ESRRG: variants seen among roughly 807,000 people sequenced by gnomAD.
ESRRG encodes estrogen related receptor gamma.
Under a neutral mutation model 44.0 loss-of-function variants are expected in ESRRG, and 13 were observed. The ratio of observed to expected loss-of-function variants is 0.30; its 90% CI spans 0.19 to 0.47. ESRRG has a LOEUF of 0.47. ESRRG is among the 20% of genes least tolerant of loss of function. The probability of loss-of-function intolerance (pLI) is 1.00; values close to 1 mark genes in which losing one functional copy is unlikely to be tolerated. For missense variants in ESRRG, 395 were observed against 580.6 expected (o/e 0.68, Z 3.29); for synonymous variants, 215 against 214.6 (o/e 1.00, Z -0.02).
At chr1:216,707,623 A>G (rs1167842638) in intron 1 of ESRRG, 3 of 862,816 alleles carry the variant, frequency 3.5e-6, no homozygotes, top group Admixed American at 3.2e-5. Context: ...GGTATGAAAA[A>G]TCCCATTTTT....
At chr1:217,047,690 G>A (rs1440401783) in intron 1 of ESRRG, among the ~76,000 whole-genome samples, 12 of 152,096 alleles carry the variant, frequency 7.9e-5, no homozygotes. Flanking sequence ...GGAAGCAGAT[G>A]GGAATGACCA....
chr1:216,550,112 TAA>T (rs2055831479), intron 5 of ESRRG, among the ~76,000 whole-genome samples: 1 of 152,180 alleles, frequency 6.6e-6, no homozygotes, highest in Non-Finnish European at 1.5e-5. Context: ...CCGCTAGGAA[TAA>T]TGTAGTGTGA....
intron 2 of ESRRG, among the ~76,000 whole-genome samples, chr1:216,660,259 A>C (rs946524926): frequency 6.6e-6 from 1 of 152,188 alleles, no homozygotes; most frequent in African/African-American, 2.4e-5. Flanking sequence ...TGAGACTAAA[A>C]CTGAGATATC....
chr1:216,973,426 A>T (rs1387290418), intron 1 of ESRRG, among the ~76,000 whole-genome samples: 1 of 148,744 alleles, frequency 6.7e-6, no homozygotes, highest in Non-Finnish European at 1.5e-5. Context: ...TATGGAATAT[A>T]CCCCTCCCAG....
At chr1:216,600,835 A>G (rs567444753) in intron 3 of ESRRG, among the ~76,000 whole-genome samples, 1 of 152,328 alleles carries the variant, frequency 6.6e-6, no homozygotes, top group African/African-American at 2.4e-5. Flanking sequence ...ATGCAGAATG[A>G]TCAGCCTCAC....
chr1:216,532,538 A>T (rs2049694218), intron 5 of ESRRG, among the ~76,000 whole-genome samples: 1 of 152,194 alleles, frequency 6.6e-6, no homozygotes, highest in Non-Finnish European at 1.5e-5. Context: ...TAGTGGAATG[A>T]CATTGCGGCT....
chr1:216,518,174 C>T (rs1343958324), intron 6 of ESRRG, among the ~76,000 whole-genome samples: 4 of 152,088 alleles, frequency 2.6e-5, no homozygotes, highest in Non-Finnish European at 5.9e-5. Flanking sequence ...CTGAGCCCAG[C>T]CTGAGATTGA....
chr1:216,675,250 C>T (rs1272745529), intron 2 of ESRRG, among the ~76,000 whole-genome samples: 5 of 151,796 alleles, frequency 3.3e-5, no homozygotes, highest in African/African-American at 9.7e-5. Context: ...ATCCCAGCTA[C>T]TTGGGAAGCT....
At chr1:216,732,228 T>A (rs1369622997) in intron 2 of ESRRG, among the ~76,000 whole-genome samples, 1 of 152,166 alleles carries the variant, frequency 6.6e-6, no homozygotes, top group African/African-American at 2.4e-5. Flanking sequence ...GTGCTCCTTT[T>A]GTTCCTCACA....
chr1:216,587,700 G>A (rs2056913866), intron 3 of ESRRG, among the ~76,000 whole-genome samples: 1 of 152,048 alleles, frequency 6.6e-6, no homozygotes, highest in Non-Finnish European at 1.5e-5. Flanking sequence ...CATTTGGAAA[G>A]AAACAAAAGG....
intron 2 of ESRRG, among the ~76,000 whole-genome samples, chr1:216,904,207 C>T (rs541035453): frequency 2.7e-4 from 41 of 151,260 alleles, no homozygotes; most frequent in Non-Finnish European, 5.7e-4. Flanking sequence ...AATCATCACC[C>T]CCCCCAACTG....
chr1:216,956,926 A>G (rs2068061635), intron 1 of ESRRG, among the ~76,000 whole-genome samples: 1 of 152,206 alleles, frequency 6.6e-6, no homozygotes, highest in Admixed American at 6.5e-5. Context: ...CAAAAATGAG[A>G]TGAAATCTTA....
intron 2 of ESRRG, among the ~76,000 whole-genome samples, chr1:216,737,789 AC>A (rs1482982797): frequency 5.4e-5 from 8 of 147,968 alleles, no homozygotes; most frequent in Admixed American, 6.8e-5. Context: ...AAAAAAAAAA[AC>A]AATAAACTTA....
chr1:216,529,888 G>C (rs185941125), intron 5 of ESRRG, among the ~76,000 whole-genome samples: 192 of 152,016 alleles, frequency 1.3e-3, no homozygotes, highest in African/African-American at 4.5e-3. Flanking sequence ...CAGGTGAGTG[G>C]ATCACTTGAG....
chr1:216,883,129 G>A (rs554664501), intron 2 of ESRRG, among the ~76,000 whole-genome samples: 73 of 152,234 alleles, frequency 4.8e-4, no homozygotes, highest in African/African-American at 1.6e-3. Flanking sequence ...TGTAATCCCA[G>A]CACTTTGGGA....
intron 1 of ESRRG, among the ~76,000 whole-genome samples, chr1:216,968,831 T>C (rs1012080011): frequency 2.0e-5 from 3 of 152,104 alleles, no homozygotes; most frequent in Non-Finnish European, 2.9e-5. Context: ...TTTGGCAATA[T>C]TGAGTCTTCC....
At chr1:216,784,804 G>C (rs2094064695) in intron 2 of ESRRG, among the ~76,000 whole-genome samples, 1 of 151,916 alleles carries the variant, frequency 6.6e-6, no homozygotes, top group Non-Finnish European at 1.5e-5. Flanking sequence ...GGAAATGCTA[G>C]TATTATTTAA....
chr1:217,046,424 G>A (rs2084893559), intron 1 of ESRRG, among the ~76,000 whole-genome samples: 1 of 152,136 alleles, frequency 6.6e-6, no homozygotes, highest in Non-Finnish European at 1.5e-5. Context: ...AAAACCCTTT[G>A]ATGGCTTTCC....
At chr1:217,131,332 GAAA>G (rs113025776) in intron 1 of ESRRG, among the ~76,000 whole-genome samples, 107 of 139,940 alleles carry the variant, frequency 7.6e-4, no homozygotes, top group African/African-American at 2.7e-3. Flanking sequence ...AAATAGCAAA[GAAA>G]AAAAAAAACA....
Sources: gnomAD v4.1 joint callset for allele counts (sites outside exome capture counted in the v4.1 genomes callset) on GRCh38, gnomAD v4.1.1 for gene constraint, MANE v1.5 for transcripts, NCBI Gene and HGNC (gene_info 2026-07-23, HGNC 2026-07-21) for gene names.